ARHGAP26: variants seen among roughly 807,000 people sequenced by gnomAD.
The protein encoded by ARHGAP26 is Rho GTPase activating protein 26, also known as rho GTPase-activating protein 26.
Under a neutral mutation model 104.8 loss-of-function variants are expected in ARHGAP26, and 38 were observed. The ratio of observed to expected loss-of-function variants is 0.36; its 90% CI spans 0.28 to 0.48. The LOEUF (loss-of-function observed/expected upper bound fraction) is 0.48, where lower values mean the gene tolerates loss of function less well. Ranked by LOEUF, ARHGAP26 falls within the 20% of genes least tolerant of loss-of-function variation. ARHGAP26 has a pLI of 0.99. For synonymous variants in ARHGAP26, 341 were observed against 340.0 expected (o/e 1.00, Z -0.03); for missense variants, 704 against 947.9 (o/e 0.74, Z 3.38).
At chr5:143,179,666 C>A (rs1326968002) in intron 20 of ARHGAP26, among the ~76,000 whole-genome samples, 1 of 152,160 alleles carries the variant, frequency 6.6e-6, no homozygotes, top group Non-Finnish European at 1.5e-5. Flanking sequence ...GTTTCTTGGG[C>A]CTTTTCTTGT....
chr5:143,125,096 A>G (rs1302992525), intron 18 of ARHGAP26, among the ~76,000 whole-genome samples: 4 of 152,192 alleles, frequency 2.6e-5, no homozygotes, highest in Non-Finnish European at 4.4e-5. Flanking sequence ...AAACATTTTT[A>G]AGATTGGCAT....
At chr5:143,149,026 A>G (rs1314175275) in intron 20 of ARHGAP26, among the ~76,000 whole-genome samples, 1 of 152,106 alleles carries the variant, frequency 6.6e-6, no homozygotes, top group Non-Finnish European at 1.5e-5. Flanking sequence ...AGCTAAGTGG[A>G]AAAGGGGAGG....
At chr5:142,954,952 G>C (rs985830650) in intron 11 of ARHGAP26, among the ~76,000 whole-genome samples, 4 of 152,142 alleles carry the variant, frequency 2.6e-5, no homozygotes, top group African/African-American at 9.7e-5. Context: ...GAGCAAGAGG[G>C]AAACATCTCA....
intron 17 of ARHGAP26, among the ~76,000 whole-genome samples, chr5:143,086,856 G>A (rs3776319): frequency 0.081 from 12,359 of 152,190 alleles, 924 homozygotes; most frequent in East Asian, 0.29. Flanking sequence ...GGTTCTTCCA[G>A]CACTCAGATA....
intron 11 of ARHGAP26, among the ~76,000 whole-genome samples, chr5:142,985,008 A>G (rs1774463076): frequency 6.6e-6 from 1 of 152,110 alleles, no homozygotes. Context: ...CGACAGCTCT[A>G]TGTGTGTTAC....
intron 12 of ARHGAP26, among the ~76,000 whole-genome samples, chr5:143,031,142 C>T (rs1781780023): frequency 6.6e-6 from 1 of 152,234 alleles, no homozygotes; most frequent in Admixed American, 6.5e-5. Flanking sequence ...TCTTGAAAGA[C>T]AGCCAGTGTG....
chr5:143,150,975 A>G (rs1355457619), intron 20 of ARHGAP26, among the ~76,000 whole-genome samples: 1 of 152,240 alleles, frequency 6.6e-6, no homozygotes. Context: ...AAGAGAATGA[A>G]AAGACAAGCC....
At chr5:143,121,179 A>G (rs1394609256) in intron 18 of ARHGAP26, 32 bp downstream of exon 18, 5 of 1,601,110 alleles carry the variant, frequency 3.1e-6, no homozygotes, top group East Asian at 4.5e-5. Flanking sequence ...GCAGTGAAGA[A>G]TGTACCTGGG....
intron 19 of ARHGAP26, among the ~76,000 whole-genome samples, chr5:143,146,736 G>A (rs1218337656): frequency 6.6e-6 from 1 of 152,240 alleles, no homozygotes; most frequent in Non-Finnish European, 1.5e-5. Flanking sequence ...AAGGACATTG[G>A]TGGCTAAATA....
intron 11 of ARHGAP26, among the ~76,000 whole-genome samples, chr5:142,948,075 A>C (rs1767433117): frequency 6.6e-6 from 1 of 152,148 alleles, no homozygotes; most frequent in African/African-American, 2.4e-5. Flanking sequence ...TAAAAAAGAG[A>C]ACCCAAGAGC....
intron 1 of ARHGAP26, among the ~76,000 whole-genome samples, chr5:142,788,656 T>C (rs991084044): frequency 6.6e-6 from 1 of 152,198 alleles, no homozygotes; most frequent in Admixed American, 6.5e-5. Flanking sequence ...AGCTATTACC[T>C]TGTATTAGGT....
At chr5:143,109,681 C>T (rs879396632) in intron 17 of ARHGAP26, among the ~76,000 whole-genome samples, 14 of 152,082 alleles carry the variant, frequency 9.2e-5, no homozygotes, top group Admixed American at 8.5e-4. Flanking sequence ...CTCAAATGAT[C>T]TGCCCACCTG....
intron 13 of ARHGAP26, 43 bp downstream of exon 13, chr5:143,037,304 C>G (rs779614283): frequency 6.6e-7 from 1 of 1,515,502 alleles, no homozygotes; most frequent in Admixed American, 1.7e-5. Flanking sequence ...TAGAAGGTCA[C>G]GCATCTGGTG....
intron 11 of ARHGAP26, among the ~76,000 whole-genome samples, chr5:142,957,031 C>T (rs1225320537): frequency 6.6e-6 from 1 of 152,178 alleles, no homozygotes; most frequent in East Asian, 1.9e-4. Flanking sequence ...CAAACCATAT[C>T]AAGACCTCTT....
intron 1 of ARHGAP26, among the ~76,000 whole-genome samples, chr5:142,815,777 T>A (rs1225524757): frequency 6.6e-6 from 1 of 152,106 alleles, no homozygotes; most frequent in African/African-American, 2.4e-5. Context: ...TCCTGGTCCA[T>A]CTGTGCTACT....
chr5:143,134,799 G>A (rs529946394), intron 19 of ARHGAP26, among the ~76,000 whole-genome samples: 1 of 152,352 alleles, frequency 6.6e-6, no homozygotes, highest in South Asian at 2.1e-4. Flanking sequence ...TTGCTCATCT[G>A]TAAAATAGGG....
At chr5:142,971,953 G>A (rs552561895) in intron 11 of ARHGAP26, among the ~76,000 whole-genome samples, 43 of 152,208 alleles carry the variant, frequency 2.8e-4, no homozygotes, top group Non-Finnish European at 5.4e-4. Context: ...AGGTCGAGGC[G>A]GGCAGATCAG....
intron 11 of ARHGAP26, among the ~76,000 whole-genome samples, chr5:142,972,241 A>C (rs960993371): frequency 2.6e-5 from 4 of 151,404 alleles, no homozygotes; most frequent in South Asian, 4.2e-4. Flanking sequence ...AGTCAGAAGC[A>C]GTGAGGGGTG....
intron 18 of ARHGAP26, among the ~76,000 whole-genome samples, chr5:143,125,852 CTG>C (rs1796665475): frequency 6.6e-6 from 1 of 152,142 alleles, no homozygotes; most frequent in Non-Finnish European, 1.5e-5. Context: ...ATTTTTAGCT[CTG>C]TTTTTACAAA....
Sources: allele counts gnomAD v4.1 joint callset (sites outside exome capture counted in the v4.1 genomes callset), GRCh38; gene constraint gnomAD v4.1.1; transcripts MANE v1.5; gene names NCBI Gene and HGNC (gene_info 2026-07-23, HGNC 2026-07-21).